The following SLC35F4 variants were observed in gnomAD, a reference collection of about 807,000 sequenced individuals.
SLC35F4 encodes the protein solute carrier family 35 member F4.
A neutral mutation model predicts 44.2 loss-of-function variants in SLC35F4; 24 were observed. That is an observed-to-expected ratio of 0.54 (90% CI 0.39 to 0.76). The LOEUF (loss-of-function observed/expected upper bound fraction) is 0.76, where lower values mean the gene tolerates loss of function less well. SLC35F4 is among the 30% of genes least tolerant of loss of function. SLC35F4 has a pLI of 0.00. For synonymous variants in SLC35F4, 238 were observed against 223.6 expected (o/e 1.06, Z -0.57); for missense variants, 562 against 586.1 (o/e 0.96, Z 0.42).
intron 1 of SLC35F4, among the ~76,000 whole-genome samples, chr14:57,682,287 C>T (rs557548596): frequency 1.3e-5 from 2 of 152,112 alleles, no homozygotes; most frequent in Admixed American, 6.6e-5. Context: ...AAATGTGGCA[C>T]ATATACACCA....
At chr14:57,664,397 C>A (rs891745373) in intron 1 of SLC35F4, among the ~76,000 whole-genome samples, 1 of 151,986 alleles carries the variant, frequency 6.6e-6, no homozygotes, top group African/African-American at 2.4e-5. Flanking sequence ...CAGTCCAGTT[C>A]TATTTATTTA....
intron 1 of SLC35F4, among the ~76,000 whole-genome samples, chr14:57,618,691 C>G (rs546358107): frequency 1.2e-4 from 18 of 152,298 alleles, no homozygotes; most frequent in African/African-American, 4.3e-4. Flanking sequence ...CGAGCCAGAA[C>G]CACTCACTCC....
At chr14:57,723,684 G>A (rs2076138831) in intron 1 of SLC35F4, among the ~76,000 whole-genome samples, 1 of 152,208 alleles carries the variant, frequency 6.6e-6, no homozygotes, top group South Asian at 2.1e-4. Flanking sequence ...TGTGCCTTTT[G>A]CTGGCAAGGC....
In SLC35F4 at chr14:57,931,960, A is replaced by C. The variant is rs77029643; in HGVS notation, n.282+49953T>G. Among the ~76,000 whole-genome samples, 474 of 152,366 alleles carry C rather than the reference A, an allele frequency of 3.1e-3. 3 individuals are homozygous for C. The highest frequency in any genetic ancestry group is 0.011 in the African/African-American group (443 of 41,584). On this transcript the variant is annotated intron_variant and non_coding_transcript_variant, in intron 1 of 1. Coordinates refer to the SLC35F4 transcript ENST00000556568. ...CTGCAGTGTAGACTTAAAGCAATACAGGAATAGGATCAGCAAATCTACTTA... is the reference window on the plus strand; with the variant it reads ...CTGCAGTGTAGACTTAAAGCAATACCGGAATAGGATCAGCAAATCTACTTA...
intron 1 of SLC35F4, among the ~76,000 whole-genome samples, chr14:57,752,422 C>A (rs1566823130): frequency 6.6e-6 from 1 of 151,748 alleles, no homozygotes; most frequent in Non-Finnish European, 1.5e-5. Context: ...TGCTAGGACA[C>A]TTGATGTGGA....
chr14:57,855,479 C>A (rs188210124), intron 1 of SLC35F4, among the ~76,000 whole-genome samples: 6 of 152,272 alleles, frequency 3.9e-5, no homozygotes, highest in Admixed American at 3.9e-4. Flanking sequence ...CAAATCAAAA[C>A]CACAATGAGA....
intron 4 of SLC35F4, among the ~76,000 whole-genome samples, chr14:57,580,268 T>C (rs1482979497): frequency 2.6e-5 from 4 of 152,154 alleles, no homozygotes; most frequent in African/African-American, 4.8e-5. Flanking sequence ...CTCTCTAACA[T>C]AGACATTAGT....
chr14:57,685,103 C>G (rs565019741), intron 1 of SLC35F4, among the ~76,000 whole-genome samples: 71 of 152,170 alleles, frequency 4.7e-4, no homozygotes, highest in African/African-American at 1.6e-3. Context: ...TATTTTTTAT[C>G]AATGCCAGAA....
At chr14:57,871,710 G>T (rs1219510427) in intron 1 of SLC35F4, among the ~76,000 whole-genome samples, 1 of 152,184 alleles carries the variant, frequency 6.6e-6, no homozygotes, top group African/African-American at 2.4e-5. Context: ...TGTGGTTGTA[G>T]TGGGGCTGTG....
intron 1 of SLC35F4, among the ~76,000 whole-genome samples, chr14:57,643,771 C>T (rs1479633355): frequency 6.6e-6 from 1 of 152,094 alleles, no homozygotes; most frequent in Non-Finnish European, 1.5e-5. Flanking sequence ...TCCCCCCTTC[C>T]CCCACCCCAC....
chr14:57,853,572 G>T (rs1262780533), intron 1 of SLC35F4, among the ~76,000 whole-genome samples: 1 of 152,102 alleles, frequency 6.6e-6, no homozygotes, highest in African/African-American at 2.4e-5. Context: ...TATAAATTGG[G>T]CCAAAATGTC....
chr14:57,615,574 T>C (rs1314560861), intron 1 of SLC35F4, among the ~76,000 whole-genome samples: 1 of 152,166 alleles, frequency 6.6e-6, no homozygotes, highest in East Asian at 1.9e-4. Context: ...GTTCTGCATA[T>C]AGATGGGATA....
chr14:57,769,372 A>G (rs925193437), intron 1 of SLC35F4, among the ~76,000 whole-genome samples: 1 of 152,140 alleles, frequency 6.6e-6, no homozygotes, highest in Admixed American at 6.5e-5. Context: ...ATGCAAAACC[A>G]GGTGAATTTA....
chr14:57,903,183 G>A (rs1229261178), intron 1 of SLC35F4, among the ~76,000 whole-genome samples: 1 of 152,150 alleles, frequency 6.6e-6, no homozygotes, highest in African/African-American at 2.4e-5. Context: ...TTTTGTAGTA[G>A]GGAAGAGAGA....
chr14:57,571,839 A>G, intron 5 of SLC35F4, 55 bp downstream of exon 5: 1 of 1,576,936 alleles, frequency 6.3e-7, no homozygotes, highest in Non-Finnish European at 8.6e-7. Context: ...TTACTTTAGT[A>G]CTCAAGTCTA....
chr14:57,918,226 C>A (rs1356991464), intron 1 of SLC35F4, among the ~76,000 whole-genome samples: 1 of 152,180 alleles, frequency 6.6e-6, no homozygotes, highest in Non-Finnish European at 1.5e-5. Context: ...AAACTCACAA[C>A]AGTGTAGGGG....
intron 1 of SLC35F4, among the ~76,000 whole-genome samples, chr14:57,952,808 T>G (rs1404244506): frequency 6.6e-6 from 1 of 151,992 alleles, no homozygotes; most frequent in Non-Finnish European, 1.5e-5. Flanking sequence ...AAATCAACGT[T>G]TGATTAGTGC....
Position 57,649,467 on chromosome 14 carries a change from C to A in SLC35F4, c.104-55343G>T, listed in dbSNP as rs189096400. ...TCTCTGACTCTGACCCTCCTGCCTG[C>A]TTCTTATAAAGGAAGCTTGTGATTA... On this transcript the variant is annotated intron_variant, in intron 1 of 7. Coordinates refer to ENST00000556826, the MANE Select transcript of SLC35F4 (RefSeq NM_001306087.2). Among the ~76,000 whole-genome samples the A allele has an allele frequency of 1.3e-4, 20 of 152,210 alleles. No homozygotes were observed. In the East Asian group the frequency reaches 3.3e-3, roughly 25 times the overall value.
intron 1 of SLC35F4, among the ~76,000 whole-genome samples, chr14:57,748,462 C>T (rs2076810705): frequency 6.6e-6 from 1 of 152,058 alleles, no homozygotes; most frequent in Non-Finnish European, 1.5e-5. Context: ...GAACCACCTG[C>T]ATCAGAATCA....
Sources: allele counts gnomAD v4.1 joint callset (sites outside exome capture counted in the v4.1 genomes callset), GRCh38; gene constraint gnomAD v4.1.1; transcripts MANE v1.5; gene names NCBI Gene and HGNC (gene_info 2026-07-23, HGNC 2026-07-21).